ABCC4: variants seen among roughly 807,000 people sequenced by gnomAD.
The protein encoded by ABCC4 is ATP binding cassette subfamily C member 4 (PEL blood group).
ABCC4 carries 102 observed loss-of-function variants against 168.5 expected under a neutral mutation model. The ratio of observed to expected loss-of-function variants is 0.61; its 90% CI spans 0.52 to 0.71. The LOEUF (loss-of-function observed/expected upper bound fraction) is 0.71. Among genes scored for constraint, ABCC4 ranks in the 30% least tolerant of loss-of-function variants. The pLI is 0.00. For synonymous variants in ABCC4, 617 were observed against 590.7 expected (o/e 1.04, Z -0.65); for missense variants, 1,402 against 1,605.8 (o/e 0.87, Z 2.17).
intron 29 of ABCC4, among the ~76,000 whole-genome samples, chr13:95,040,787 C>T (rs778863656): frequency 3.3e-5 from 5 of 151,536 alleles, no homozygotes; most frequent in African/African-American, 1.2e-4. Context: ...TCTGAGGAAA[C>T]GCTACTAAAA....
chr13:95,082,102 T>C (rs1392129490), intron 21 of ABCC4, among the ~76,000 whole-genome samples: 2 of 152,212 alleles, frequency 1.3e-5, no homozygotes, highest in East Asian at 3.8e-4. Flanking sequence ...TACCACTCAG[T>C]AGAAGATACT....
intron 1 of ABCC4, among the ~76,000 whole-genome samples, chr13:95,273,125 G>A (rs935961183): frequency 6.6e-6 from 1 of 152,142 alleles, no homozygotes; most frequent in Non-Finnish European, 1.5e-5. Flanking sequence ...CTAATTCAAA[G>A]AGCAATTTAT....
chr13:95,122,928 T>G (rs910072782), intron 19 of ABCC4, among the ~76,000 whole-genome samples: 1 of 152,236 alleles, frequency 6.6e-6, no homozygotes, highest in Non-Finnish European at 1.5e-5. Context: ...TTTCAAAGTG[T>G]AGTTGTTTCT....
At chr13:95,176,611 G>A (rs2037713157) in intron 13 of ABCC4, among the ~76,000 whole-genome samples, 1 of 152,136 alleles carries the variant, frequency 6.6e-6, no homozygotes, top group African/African-American at 2.4e-5. Context: ...TTCCTTATGG[G>A]CAAGAATGAA....
chr13:95,259,376 G>A (rs1371493088), intron 1 of ABCC4, among the ~76,000 whole-genome samples: 7 of 127,292 alleles, frequency 5.5e-5, no homozygotes, highest in South Asian at 2.4e-4. Context: ...GTGAAACTCC[G>A]TCTCAAAAAA....
At chr13:95,108,562 T>C (rs987946860) in intron 20 of ABCC4, among the ~76,000 whole-genome samples, 53 of 152,194 alleles carry the variant, frequency 3.5e-4, no homozygotes, top group Non-Finnish European at 2.4e-4. Context: ...ATGTAAGACA[T>C]GCCTTTGCTC....
At chr13:95,050,360 C>T (rs957189030) in intron 27 of ABCC4, among the ~76,000 whole-genome samples, 3 of 152,156 alleles carry the variant, frequency 2.0e-5, no homozygotes, top group African/African-American at 7.2e-5. Context: ...TAGGAGTGCT[C>T]AGCCTTTCCC....
At chr13:95,216,802 C>T (rs1021070069) in intron 4 of ABCC4, among the ~76,000 whole-genome samples, 7 of 151,936 alleles carry the variant, frequency 4.6e-5, no homozygotes, top group African/African-American at 1.2e-4. Flanking sequence ...CTCATTTCAC[C>T]GGGGAAAATG....
chr13:95,159,092 T>TA (rs1481884479), intron 19 of ABCC4, among the ~76,000 whole-genome samples: 27 of 67,086 alleles, frequency 4.0e-4, no homozygotes, highest in Admixed American at 8.3e-4. Context: ...CTAAATAAAT[T>TA]TTATATATAT....
At position 95,078,691 on chromosome 13, in the gene ABCC4, A is replaced by G. The variant is rs2033993158; in HGVS notation, c.2687-3140T>C. Among the ~76,000 whole-genome samples the G allele has an allele frequency of 2.0e-5, 3 of 152,216 alleles. No individual in the cohort carries two copies. The South Asian group carries it at 6.2e-4, about 32-fold the overall frequency. ...ATTAGGAATAACACAAGAGAATTCC[A>G]GGCCCCATTACCCTACAAAGAGTTT... On this transcript the variant is annotated intron_variant, in intron 21 of 30. Transcript: ENST00000645237.
rs55980425 is a variant in ABCC4 at position 95,054,021 on chromosome 13, C to CTTTTTTTTTTTTT, written c.3367-850_3367-838dup. 3.6e-4 allele frequency: 26 copies of CTTTTTTTTTTTTT among 71,636 alleles called. 4 individuals are homozygous for CTTTTTTTTTTTTT. The highest frequency in any genetic ancestry group is 0.011 in the Middle Eastern group (1 of 92). The allele number at this position is 71,636 out of a possible 1,614,324, so 4.4% of individuals were successfully genotyped here. ...CTCTCCAATGTCAGAATGGGACATCCTTTTTTTTTTTTTTTTTTTTTTTTT... is the reference window on the plus strand; with the variant it reads ...CTCTCCAATGTCAGAATGGGACATCCTTTTTTTTTTTTTTTTTTTTTTTTTTTTTTTTTTTTTT... On this transcript the variant is annotated intron_variant, in intron 26 of 30. Transcript: ENST00000645237.
At chr13:95,256,757 C>CA (rs1298336728) in intron 1 of ABCC4, among the ~76,000 whole-genome samples, 2 of 143,942 alleles carry the variant, frequency 1.4e-5, no homozygotes, top group African/African-American at 5.2e-5. Context: ...GACCCTGTCT[C>CA]AAAAAAAAAG....
intron 1 of ABCC4, among the ~76,000 whole-genome samples, chr13:95,249,395 G>A (rs574548568): frequency 5.3e-5 from 8 of 152,136 alleles, no homozygotes; most frequent in Non-Finnish European, 1.0e-4. Context: ...AATCTAGGAA[G>A]CCCTTCCCAT....
intron 20 of ABCC4, among the ~76,000 whole-genome samples, chr13:95,087,007 G>A (rs1004512571): frequency 6.7e-6 from 1 of 148,986 alleles, no homozygotes; most frequent in Non-Finnish European, 1.5e-5. Context: ...TGCTTTAAAC[G>A]ATTACTGACT....
At chr13:95,291,009 A>AAAAATAAAAAAAAG (rs1394530639) in intron 1 of ABCC4, among the ~76,000 whole-genome samples, 1 of 123,354 alleles carries the variant, frequency 8.1e-6, no homozygotes, top group Non-Finnish European at 1.7e-5. Context: ...AAAAAAAAAA[A>AAAAATAAAAAAAAG]AGAGGAAACC....
intron 19 of ABCC4, among the ~76,000 whole-genome samples, chr13:95,139,762 TA>T (rs1271665623): frequency 1.3e-5 from 2 of 152,310 alleles, no homozygotes; most frequent in East Asian, 3.9e-4. Flanking sequence ...ATGCAATTCA[TA>T]CCTGTATATC....
rs2038890649 is a variant in ABCC4, at chr13:95,209,553, C to T, written c.666G>A (p.Ala222=). Residue 222 remains alanine, a synonymous_variant, in exon 6 of 31, where the codon GCG becomes GCA. Coordinates refer to ENST00000645237, the MANE Select transcript of ABCC4 (RefSeq NM_005845.5). The part of the protein sequence containing the change: ...LHFLWAGPLQ[A]IAVTALLWME... ...TCCAGAGTAGGGCAGTCACTGCAAT[C>T]GCCTGCAGTGGTCCTGCCCACAGGA... 2 of 1,614,104 alleles carry T rather than the reference C, an allele frequency of 1.2e-6. No homozygotes were observed. Among genetic ancestry groups the T allele is most frequent in the Non-Finnish European group, 1.7e-6 (2 of 1,179,960 alleles).
intron 19 of ABCC4, among the ~76,000 whole-genome samples, chr13:95,160,064 CTG>C (rs1261147821): frequency 6.8e-6 from 1 of 147,250 alleles, no homozygotes; most frequent in Non-Finnish European, 1.5e-5. Context: ...GATAAGAAAA[CTG>C]TGACACAGAA....
At chr13:95,293,438 T>A (rs759172384) in intron 1 of ABCC4, among the ~76,000 whole-genome samples, 1 of 152,028 alleles carries the variant, frequency 6.6e-6, no homozygotes, top group Non-Finnish European at 1.5e-5. Context: ...GGGTTCAGGA[T>A]GAACTCCTGC....
Sources: allele counts gnomAD v4.1 joint callset (sites outside exome capture counted in the v4.1 genomes callset), GRCh38; gene constraint gnomAD v4.1.1; transcripts MANE v1.5; gene names NCBI Gene and HGNC (gene_info 2026-07-23, HGNC 2026-07-21).